Variants in WDR41 observed in about 807,000 individuals in gnomAD.
The protein encoded by WDR41 is WD repeat domain 41.
WDR41 carries 63 observed loss-of-function variants against 69.3 expected under a neutral mutation model. That is an observed-to-expected ratio of 0.91 (90% CI 0.74 to 1.12). WDR41 has a LOEUF of 1.12. WDR41 is among the 50% of genes most tolerant of loss of function. WDR41 has a pLI of 0.00. For synonymous variants in WDR41, 185 were observed against 192.1 expected (o/e 0.96, Z 0.31); for missense variants, 543 against 534.5 (o/e 1.02, Z -0.16).
At chr5:77,580,286 T>C (rs1443162255) in intron 1 of WDR41, among the ~76,000 whole-genome samples, 5 of 152,154 alleles carry the variant, frequency 3.3e-5, no homozygotes, top group Non-Finnish European at 7.4e-5. Context: ...TTTACAATCA[T>C]GGCAGAAGGC....
chr5:77,575,656 T>C (rs367545046), intron 1 of WDR41, among the ~76,000 whole-genome samples: 10 of 152,304 alleles, frequency 6.6e-5, no homozygotes, highest in Admixed American at 2.0e-4. Flanking sequence ...GTGATACTAA[T>C]TGTGCAACCT....
At chr5:77,504,939 G>A (rs1034562546) in intron 1 of WDR41, among the ~76,000 whole-genome samples, 39 of 152,122 alleles carry the variant, frequency 2.6e-4, no homozygotes, top group African/African-American at 9.4e-4. Flanking sequence ...GCAAAAACTG[G>A]AAGCATTCCC....
intron 1 of WDR41, among the ~76,000 whole-genome samples, chr5:77,609,006 C>T (rs1006834538): frequency 7.9e-5 from 12 of 152,206 alleles, no homozygotes; most frequent in Non-Finnish European, 1.3e-4. Context: ...GATTATATCC[C>T]GCACCTGGCT....
At chr5:77,577,209 T>A (rs568166520) in intron 1 of WDR41, among the ~76,000 whole-genome samples, 1 of 152,092 alleles carries the variant, frequency 6.6e-6, no homozygotes. Flanking sequence ...TTCTAAAAAC[T>A]GGAAGAATAA....
At chr5:77,488,032 T>C (rs1801601708) in intron 2 of WDR41, among the ~76,000 whole-genome samples, 1 of 152,212 alleles carries the variant, frequency 6.6e-6, no homozygotes, top group Non-Finnish European at 1.5e-5. Flanking sequence ...CTAATTTGTA[T>C]CTTTTATAAT....
At chr5:77,538,481 G>T (rs1743029573) in intron 1 of WDR41, among the ~76,000 whole-genome samples, 1 of 152,028 alleles carries the variant, frequency 6.6e-6, no homozygotes, top group African/African-American at 2.4e-5. Context: ...GTATTCCCCA[G>T]TGTCTATTGT....
At chr5:77,526,383 A>G (rs1411096717) in intron 1 of WDR41, among the ~76,000 whole-genome samples, 1 of 151,946 alleles carries the variant, frequency 6.6e-6, no homozygotes, top group African/African-American at 2.4e-5. Context: ...CTAATAACCA[A>G]TGTTCAAGTT....
chr5:77,555,565 C>G (rs1224369339), intron 1 of WDR41, among the ~76,000 whole-genome samples: 1 of 152,172 alleles, frequency 6.6e-6, no homozygotes, highest in Non-Finnish European at 1.5e-5. Flanking sequence ...CTGCCTCAGC[C>G]TCCCAAAGTG....
intron 1 of WDR41, among the ~76,000 whole-genome samples, chr5:77,528,668 G>C (rs1802482993): frequency 6.6e-6 from 1 of 151,580 alleles, no homozygotes; most frequent in Non-Finnish European, 1.5e-5. Flanking sequence ...ACAACACATG[G>C]AAAGAATAAC....
chr5:77,471,674 T>C (rs564052925), intron 2 of WDR41, among the ~76,000 whole-genome samples: 50 of 152,120 alleles, frequency 3.3e-4, no homozygotes, highest in African/African-American at 1.1e-3. Context: ...CTAGAAAATC[T>C]AGAAGAAATG....
intron 3 of WDR41, among the ~76,000 whole-genome samples, chr5:77,464,206 G>A (rs533578638): frequency 2.2e-3 from 304 of 140,750 alleles, no homozygotes; most frequent in Non-Finnish European, 3.7e-3. Flanking sequence ...CCTAAATTTT[G>A]TTAAATAAGA....
chr5:77,567,861 G>A (rs907441096), intron 1 of WDR41, among the ~76,000 whole-genome samples: 7 of 150,690 alleles, frequency 4.6e-5, no homozygotes, highest in East Asian at 2.0e-4. Flanking sequence ...GTCTCATCCC[G>A]ACCCCAGCCT....
At chr5:77,528,674 A>G (rs965255811) in intron 1 of WDR41, among the ~76,000 whole-genome samples, 4 of 151,766 alleles carry the variant, frequency 2.6e-5, no homozygotes, top group African/African-American at 9.7e-5. Flanking sequence ...CATGGAAAGA[A>G]TAACATAATA....
At chr5:77,564,410 A>AT (rs1208020453) in intron 1 of WDR41, among the ~76,000 whole-genome samples, 1 of 152,116 alleles carries the variant, frequency 6.6e-6, no homozygotes, top group Non-Finnish European at 1.5e-5. Flanking sequence ...AACGAATTGC[A>AT]TTTTTTCACA....
intron 1 of WDR41, among the ~76,000 whole-genome samples, chr5:77,536,265 T>C (rs958214741): frequency 6.6e-6 from 1 of 152,088 alleles, no homozygotes; most frequent in African/African-American, 2.4e-5. Context: ...CTGTGTGGAG[T>C]ACTGTGCTAG....
intron 1 of WDR41, among the ~76,000 whole-genome samples, chr5:77,533,492 G>A (rs1196427695): frequency 6.6e-6 from 1 of 152,042 alleles, no homozygotes; most frequent in African/African-American, 2.4e-5. Flanking sequence ...ACGTTTTTCA[G>A]ACACATACTT....
chr5:77,610,494 C>A (rs1159276087), intron 1 of WDR41, among the ~76,000 whole-genome samples: 3 of 152,052 alleles, frequency 2.0e-5, no homozygotes, highest in East Asian at 1.9e-4. Flanking sequence ...GAGTGGGGGC[C>A]AATATTCAAC....
intron 1 of WDR41, among the ~76,000 whole-genome samples, chr5:77,536,314 C>T (rs1199689224): frequency 6.6e-6 from 1 of 151,802 alleles, no homozygotes; most frequent in Non-Finnish European, 1.5e-5. Flanking sequence ...AAATATCCTC[C>T]TTGATCTCAA....
At chr5:77,546,462 C>G (rs536044479) in intron 1 of WDR41, among the ~76,000 whole-genome samples, 2 of 152,140 alleles carry the variant, frequency 1.3e-5, no homozygotes, top group African/African-American at 2.4e-5. Flanking sequence ...CACAGAAATA[C>G]AAAAGATGAC....
Sources: gnomAD v4.1 joint callset for allele counts (sites outside exome capture counted in the v4.1 genomes callset) on GRCh38, gnomAD v4.1.1 for gene constraint, MANE v1.5 for transcripts, NCBI Gene and HGNC (gene_info 2026-07-23, HGNC 2026-07-21) for gene names.